The following PDE4D variants were observed in gnomAD, a reference collection of about 807,000 sequenced individuals.
PDE4D encodes phosphodiesterase 4D.
PDE4D carries 24 observed loss-of-function variants against 87.4 expected under a neutral mutation model. That is an observed-to-expected ratio of 0.27 (90% CI 0.20 to 0.39). The LOEUF (loss-of-function observed/expected upper bound fraction) is 0.39. Among genes scored for constraint, PDE4D ranks in the 10% least tolerant of loss-of-function variants. The pLI, the probability that PDE4D is intolerant of heterozygous loss-of-function variation, is 1.00. For synonymous variants in PDE4D, 384 were observed against 383.2 expected (o/e 1.00, Z -0.02); for missense variants, 714 against 1,041.0 (o/e 0.69, Z 4.32).
intron 11 of PDE4D, among the ~76,000 whole-genome samples, chr5:58,985,086 A>G (rs1034433176): frequency 6.7e-6 from 1 of 150,062 alleles, no homozygotes; most frequent in Admixed American, 6.7e-5. Context: ...ATTTTTTTGT[A>G]TTTTTTTTTG....
At chr5:59,116,195 G>A (rs1561511995) in intron 5 of PDE4D, among the ~76,000 whole-genome samples, 1 of 152,002 alleles carries the variant, frequency 6.6e-6, no homozygotes, top group South Asian at 2.1e-4. Context: ...TGTTTTTTGA[G>A]CACATATATT....
At chr5:60,425,023 G>A (rs185713849) in intron 1 of PDE4D, among the ~76,000 whole-genome samples, 5,284 of 152,204 alleles carry the variant, frequency 0.035, 134 homozygotes, top group Non-Finnish European at 0.049. Context: ...ATTGCTCAAC[G>A]AAATAAAAGA....
At chr5:59,074,489 G>A (rs1180542319) in intron 5 of PDE4D, among the ~76,000 whole-genome samples, 2 of 152,196 alleles carry the variant, frequency 1.3e-5, no homozygotes, top group Non-Finnish European at 2.9e-5. Context: ...CAGGTGTGGT[G>A]GCTCACACCT....
At chr5:60,056,954 T>C (rs936492544) in intron 2 of PDE4D, among the ~76,000 whole-genome samples, 1 of 152,020 alleles carries the variant, frequency 6.6e-6, no homozygotes, top group African/African-American at 2.4e-5. Context: ...GGATGACACA[T>C]TTAATATCTT....
At chr5:60,454,686 C>T (rs1284181095) in intron 1 of PDE4D, among the ~76,000 whole-genome samples, 2 of 152,116 alleles carry the variant, frequency 1.3e-5, no homozygotes, top group Non-Finnish European at 2.9e-5. Flanking sequence ...GGATAAATAG[C>T]TAACGCATGC....
At chr5:59,231,749 C>T (rs972600177) in intron 1 of PDE4D, among the ~76,000 whole-genome samples, 1 of 152,206 alleles carries the variant, frequency 6.6e-6, no homozygotes, top group Non-Finnish European at 1.5e-5. Flanking sequence ...GTGAAACCAT[C>T]TATGTCTTTA....
intron 1 of PDE4D, among the ~76,000 whole-genome samples, chr5:59,309,200 G>A (rs906174510): frequency 1.3e-5 from 2 of 152,162 alleles, no homozygotes; most frequent in African/African-American, 4.8e-5. Context: ...GTGAATGAAA[G>A]GGATTGGTTC....
intron 1 of PDE4D, among the ~76,000 whole-genome samples, chr5:60,517,736 C>T (rs1403612873): frequency 6.6e-6 from 1 of 152,186 alleles, no homozygotes; most frequent in Non-Finnish European, 1.5e-5. Flanking sequence ...GGAGCTGTAC[C>T]GTCGCTCAAT....
chr5:59,575,089 G>T (rs748840767), intron 1 of PDE4D, among the ~76,000 whole-genome samples: 1 of 152,170 alleles, frequency 6.6e-6, no homozygotes, highest in East Asian at 1.9e-4. Context: ...AAAGGAGGAG[G>T]CCAGATGAGG....
chr5:59,255,549 A>G lies in PDE4D; in HGVS notation c.456-39581T>C, dbSNP rs578184866. On this transcript the variant is annotated intron_variant, in intron 1 of 14. Transcript: ENST00000340635. Reference sequence around the variant, plus strand: ...GCAAAAGTGTGTGAATATACTAAAAATCACGAAATTATACACCCTGTATTG... The same window carrying G: ...GCAAAAGTGTGTGAATATACTAAAAGTCACGAAATTATACACCCTGTATTG... Among the ~76,000 whole-genome samples the G allele has an allele frequency of 3.2e-4, 48 of 152,174 alleles. No individual in the cohort carries two copies. In the South Asian group the frequency reaches 9.3e-3, roughly 30 times the overall value.
chr5:59,649,464 GA>G (rs1743010406), intron 1 of PDE4D, among the ~76,000 whole-genome samples: 1 of 152,188 alleles, frequency 6.6e-6, no homozygotes, highest in Non-Finnish European at 1.5e-5. Context: ...AATTGGTTAG[GA>G]AAGCAACAGG....
intron 1 of PDE4D, among the ~76,000 whole-genome samples, chr5:59,821,165 G>A (rs146022915): frequency 1.7e-3 from 255 of 152,048 alleles, no homozygotes; most frequent in African/African-American, 5.7e-3. Context: ...CCCAGGAGGC[G>A]GAGATTGCAG....
In PDE4D at chr5:59,546,351, G is replaced by T. The variant is rs182317955; in HGVS notation, c.456-330383C>A. Among the ~76,000 whole-genome samples, 53 of 152,118 alleles carry T rather than the reference G, an allele frequency of 3.5e-4. No homozygotes were observed. The East Asian group carries it at 0.01, about 29-fold the overall frequency. On this transcript the variant is annotated intron_variant, in intron 1 of 14. Coordinates refer to ENST00000340635, the MANE Select transcript of PDE4D (RefSeq NM_001104631.2). ...GCTCATCAAAATCATAGTGAGCTAG[G>T]GTATTTTTAATCTTTATAAAATTGC...
At chr5:59,200,122 CATGTAGACATACATGT>C (rs1561689133) in intron 2 of PDE4D, among the ~76,000 whole-genome samples, 1 of 146,442 alleles carries the variant, frequency 6.8e-6, no homozygotes, top group African/African-American at 2.7e-5. Context: ...CACATACATG[CATGTAGACATACATGT>C]ATGTACACGT....
chr5:59,196,941 A>G (rs969561813), intron 2 of PDE4D, among the ~76,000 whole-genome samples: 2 of 152,174 alleles, frequency 1.3e-5, no homozygotes, highest in African/African-American at 2.4e-5. Flanking sequence ...AGCTGAAGAC[A>G]TTGTATTGTA....
chr5:59,373,697 C>G (rs1159548756), intron 1 of PDE4D, among the ~76,000 whole-genome samples: 1 of 152,138 alleles, frequency 6.6e-6, no homozygotes, highest in Non-Finnish European at 1.5e-5. Flanking sequence ...TGGTAAGGTA[C>G]TTCACAAGAA....
chr5:59,789,534 T>C (rs1027555466), intron 1 of PDE4D, among the ~76,000 whole-genome samples: 2 of 152,244 alleles, frequency 1.3e-5, no homozygotes, highest in African/African-American at 2.4e-5. Flanking sequence ...CTTGGAATGA[T>C]TGTAATTTTC....
At chr5:59,459,247 C>A (rs957602726) in intron 1 of PDE4D, among the ~76,000 whole-genome samples, 4 of 152,076 alleles carry the variant, frequency 2.6e-5, no homozygotes, top group African/African-American at 9.7e-5. Context: ...ACTGAAAAAA[C>A]CAGGTTAATT....
chr5:60,354,532 C>T (rs1759452083), intron 1 of PDE4D, among the ~76,000 whole-genome samples: 1 of 152,272 alleles, frequency 6.6e-6, no homozygotes, highest in African/African-American at 2.4e-5. Context: ...GCCAAATCCT[C>T]AGTCAATTCC....
Sources: allele counts gnomAD v4.1 joint callset (sites outside exome capture counted in the v4.1 genomes callset), GRCh38; gene constraint gnomAD v4.1.1; transcripts MANE v1.5; gene names NCBI Gene and HGNC (gene_info 2026-07-23, HGNC 2026-07-21).